Variants in MCU observed in about 807,000 individuals in gnomAD.
MCU encodes calcium uniporter protein, mitochondrial.
MCU carries 12 observed loss-of-function variants against 45.2 expected under a neutral mutation model. That is an observed-to-expected ratio of 0.27 (90% CI 0.17 to 0.43). The LOEUF (loss-of-function observed/expected upper bound fraction) is 0.43. Among genes scored for constraint, MCU ranks in the 20% least tolerant of loss-of-function variants. The pLI, the probability that MCU is intolerant of heterozygous loss-of-function variation, is 1.00. For synonymous variants in MCU, 160 were observed against 165.1 expected, an observed-to-expected ratio of 0.97 and a Z score of 0.24; for missense variants, 324 against 436.7, an observed-to-expected ratio of 0.74 and a Z score of 2.30.
chr10:72,805,099 T>TTCTC lies in MCU; in HGVS notation c.151-29258_151-29255dup, dbSNP rs776609775. 2.3e-3 allele frequency among the ~76,000 whole-genome samples: 129 copies of TTCTC among 57,092 alleles called. 2 individuals carry two copies. The highest frequency in any genetic ancestry group is 7.7e-3 in the African/African-American group (113 of 14,644). 37.5% of individuals were successfully genotyped at this position (57,092 alleles called of 152,430 possible). ...TTTGTTTCTTTCTTTCTTTCTTTCT[T>TTCTC]TCTCTTTCTTTCTTTCTTTCTTTCT... On this transcript the variant is annotated intron_variant, in intron 1 of 7. Transcript: ENST00000373053.
intron 1 of MCU, among the ~76,000 whole-genome samples, chr10:72,698,162 T>C (rs892466808): frequency 2.0e-5 from 3 of 152,192 alleles, no homozygotes; most frequent in Non-Finnish European, 4.4e-5. Context: ...ATTTGAACTT[T>C]TCTAAGTCCC....
intron 6 of MCU, among the ~76,000 whole-genome samples, chr10:72,881,373 A>C (rs945563783): frequency 2.0e-5 from 3 of 152,110 alleles, no homozygotes; most frequent in Non-Finnish European, 4.4e-5. Flanking sequence ...CGGAATGAAA[A>C]GCACTAACCA....
intron 1 of MCU, among the ~76,000 whole-genome samples, chr10:72,774,043 A>G (rs1843853047): frequency 6.6e-6 from 1 of 152,218 alleles, no homozygotes; most frequent in African/African-American, 2.4e-5. Context: ...ACTTTTCAAC[A>G]TATAACATAA....
At chr10:72,861,981 CTT>C (rs1252900155) in intron 4 of MCU, among the ~76,000 whole-genome samples, 13 of 131,808 alleles carry the variant, frequency 9.9e-5, no homozygotes, top group Admixed American at 7.7e-5. Flanking sequence ...TGAGTTGTGT[CTT>C]TTTTTTTTTT....
chr10:72,723,008 A>G (rs1843044834), intron 1 of MCU, among the ~76,000 whole-genome samples: 1 of 151,958 alleles, frequency 6.6e-6, no homozygotes. Flanking sequence ...CATCCTGGCT[A>G]ACATGGTGAA....
In MCU at chr10:72,839,274, G is replaced by A. The variant is rs7911632; in HGVS notation, c.220+4846G>A. ...CAAAGTGCTGGGATTACAGGGGTGA[G>A]CCACTGTGGCTGGCCACAACAATCC... is the stretch of plus-strand genomic sequence containing the variant. On this transcript the variant is annotated intron_variant, in intron 2 of 7. Coordinates refer to ENST00000373053, the MANE Select transcript of MCU (RefSeq NM_138357.3). Among the ~76,000 whole-genome samples the A allele has an allele frequency of 1.1e-3, 169 of 152,074 alleles. 1 individual carries two copies. Among genetic ancestry groups the A allele is most frequent in the African/African-American group, 3.9e-3 (162 of 41,486 alleles).
At chr10:72,845,378 G>A (rs1247763632) in intron 2 of MCU, among the ~76,000 whole-genome samples, 1 of 152,000 alleles carries the variant, frequency 6.6e-6, no homozygotes, top group Non-Finnish European at 1.5e-5. Context: ...TATAATAGGG[G>A]GAAAATCTGG....
chr10:72,751,979 A>G (rs925221794), intron 1 of MCU, among the ~76,000 whole-genome samples: 2 of 151,824 alleles, frequency 1.3e-5, no homozygotes, highest in Admixed American at 1.3e-4. Flanking sequence ...AGCTAGGACT[A>G]CAGGCACCCG....
chr10:72,854,152 G>A (rs183505632), intron 2 of MCU, among the ~76,000 whole-genome samples: 10 of 152,052 alleles, frequency 6.6e-5, no homozygotes, highest in Admixed American at 6.6e-5. Context: ...AATTAGCTGG[G>A]CATGGTGGCA....
chr10:72,739,974 C>T (rs1425334576), intron 1 of MCU, among the ~76,000 whole-genome samples: 3 of 151,980 alleles, frequency 2.0e-5, no homozygotes, highest in Non-Finnish European at 4.4e-5. Context: ...CCGTGCCCAG[C>T]TGAAAATTAA....
At chr10:72,852,052 A>G (rs1352183936) in intron 2 of MCU, among the ~76,000 whole-genome samples, 3 of 152,180 alleles carry the variant, frequency 2.0e-5, no homozygotes, top group African/African-American at 7.2e-5. Flanking sequence ...TCGTATTTCA[A>G]TTCAACTCTC....
chr10:72,746,963 A>G (rs1325373136), intron 1 of MCU, among the ~76,000 whole-genome samples: 2 of 152,236 alleles, frequency 1.3e-5, no homozygotes, highest in African/African-American at 2.4e-5. Context: ...GAACCTAACA[A>G]TGAAACTGTC....
At chr10:72,862,056 A>G (rs1400014749) in intron 4 of MCU, among the ~76,000 whole-genome samples, 1 of 145,510 alleles carries the variant, frequency 6.9e-6, no homozygotes, top group Non-Finnish European at 1.5e-5. Flanking sequence ...ATATCGGCTC[A>G]CTGCAAGTTC....
In MCU at chr10:72,868,813, C is replaced by T. The variant is rs1589505389; in HGVS notation, c.607C>T (p.Leu203Phe). The change falls in exon 5 of 8, where the codon CTT (leucine) becomes TTT (phenylalanine). Residue 203 changes from leucine (L) to phenylalanine (F), a missense_variant. Leu to Phe is a conservative substitution (Grantham distance 22). Coordinates refer to ENST00000373053, the MANE Select transcript of MCU (RefSeq NM_138357.3). ...EQHQLNKERE[L>F]IERLEDLKEQ... ...GCACCAGTTAAACAAGGAAAGGGAG[C>T]TTATTGAAAGACTAGAGGATCTCAA... 6.2e-7 allele frequency: 1 copy of T among 1,614,112 alleles called. No individual in the cohort carries two copies. The highest frequency in any genetic ancestry group is 8.5e-7 in the Non-Finnish European group (1 of 1,180,020).
intron 7 of MCU, among the ~76,000 whole-genome samples, chr10:72,885,008 A>G (rs1356642058): frequency 2.0e-5 from 3 of 152,192 alleles, no homozygotes; most frequent in Non-Finnish European, 4.4e-5. Context: ...AGCAATCTCT[A>G]GAAGCTTTTC....
intron 1 of MCU, among the ~76,000 whole-genome samples, chr10:72,784,521 C>T (rs1018072685): frequency 3.3e-5 from 5 of 152,186 alleles, no homozygotes; most frequent in Non-Finnish European, 7.3e-5. Flanking sequence ...TTTAAGTAGG[C>T]ATGTCTGAAA....
At chr10:72,841,056 TG>T (rs1845040302) in intron 2 of MCU, among the ~76,000 whole-genome samples, 1 of 152,192 alleles carries the variant, frequency 6.6e-6, no homozygotes. Context: ...TCCAATATTT[TG>T]AAGTGAATTT....
At chr10:72,710,830 T>C (rs1406401868) in intron 1 of MCU, among the ~76,000 whole-genome samples, 2 of 151,324 alleles carry the variant, frequency 1.3e-5, no homozygotes, top group African/African-American at 4.9e-5. Context: ...GTTTATCCTT[T>C]ATCTACACCT....
chr10:72,836,040 T>G (rs1844951105), intron 2 of MCU, among the ~76,000 whole-genome samples: 1 of 152,022 alleles, frequency 6.6e-6, no homozygotes, highest in African/African-American at 2.4e-5. Flanking sequence ...ATGGTGACTG[T>G]CCACATCTGT....
Sources: gnomAD v4.1 joint callset for allele counts (sites outside exome capture counted in the v4.1 genomes callset) on GRCh38, gnomAD v4.1.1 for gene constraint, MANE v1.5 for transcripts, NCBI Gene and HGNC (gene_info 2026-07-23, HGNC 2026-07-21) for gene names.